The following DLG1 variants were observed in gnomAD, a reference collection of about 807,000 sequenced individuals.
DLG1 encodes the protein discs large MAGUK scaffold protein 1, also known as disks large homolog 1.
A neutral mutation model predicts 123.4 loss-of-function variants in DLG1; 42 were observed. The ratio of observed to expected loss-of-function variants is 0.34; its 90% CI spans 0.27 to 0.44. The LOEUF (loss-of-function observed/expected upper bound fraction) is 0.44, where lower values mean the gene tolerates loss of function less well. Among genes scored for constraint, DLG1 ranks in the 20% least tolerant of loss-of-function variants. DLG1 has a pLI of 1.00. For synonymous variants in DLG1, 317 were observed against 356.2 expected, an observed-to-expected ratio of 0.89 and a Z score of 1.24; for missense variants, 942 against 1,082.6, an observed-to-expected ratio of 0.87 and a Z score of 1.82.
intron 18 of DLG1, among the ~76,000 whole-genome samples, chr3:197,073,682 T>A (rs954603311): frequency 6.6e-6 from 1 of 152,332 alleles, no homozygotes; most frequent in African/African-American, 2.4e-5. Flanking sequence ...CTTCTCAGAA[T>A]AAAGAACAAA....
intron 24 of DLG1, among the ~76,000 whole-genome samples, chr3:197,050,246 A>G (rs1223765790): frequency 6.6e-6 from 1 of 152,086 alleles, no homozygotes; most frequent in Admixed American, 6.6e-5. Flanking sequence ...AGCTGCCTGT[A>G]GTCCCAGCTA....
In DLG1 at chr3:197,244,776, T is replaced by C. The variant is rs994381226; in HGVS notation, c.318+37903A>G. Among the ~76,000 whole-genome samples the C allele has an allele frequency of 3.9e-5, 6 of 152,232 alleles. No homozygotes were observed. In the East Asian group the frequency reaches 1.2e-3, roughly 29 times the overall value. ...GGTCCTTCCCAAGCTGGTTTGAGTT[T>C]TCCTTCTTTCCAGCTTCTGATGAGA... On this transcript the variant is annotated intron_variant, in intron 4 of 24. Transcript: ENST00000667157.
At chr3:197,272,231 A>C (rs531740453) in intron 4 of DLG1, among the ~76,000 whole-genome samples, 3 of 152,158 alleles carry the variant, frequency 2.0e-5, no homozygotes, top group Non-Finnish European at 4.4e-5. Flanking sequence ...TCACGCCTAT[A>C]AACTCAGCTA....
chr3:197,161,499 T>G (rs572574879), intron 5 of DLG1: 11 of 473,318 alleles, frequency 2.3e-5, no homozygotes, highest in Non-Finnish European at 3.7e-5. Flanking sequence ...CCCAAATGTT[T>G]AAGTCCCTAA....
At chr3:197,099,677 G>A (rs760690503) in intron 14 of DLG1, among the ~76,000 whole-genome samples, 6 of 152,148 alleles carry the variant, frequency 3.9e-5, no homozygotes, top group Non-Finnish European at 7.4e-5. Flanking sequence ...TGAGGAAGGG[G>A]TATGGGGGAA....
At chr3:197,251,761 T>C (rs1250120192) in intron 4 of DLG1, among the ~76,000 whole-genome samples, 2 of 152,206 alleles carry the variant, frequency 1.3e-5, no homozygotes, top group Non-Finnish European at 2.9e-5. Context: ...ATTTCCAAAC[T>C]ACCCGTCTGA....
At chr3:197,295,482 CA>C (rs67590858) in intron 3 of DLG1, among the ~76,000 whole-genome samples, 471 of 142,500 alleles carry the variant, frequency 3.3e-3, no homozygotes, top group Middle Eastern at 7.4e-3. Flanking sequence ...ATAACTAAAA[CA>C]AAAAAAAAAA....
chr3:197,271,294 ATTCT>A (rs1487285412), intron 4 of DLG1, among the ~76,000 whole-genome samples: 1 of 152,188 alleles, frequency 6.6e-6, no homozygotes, highest in Admixed American at 6.5e-5. Context: ...CAGTAGATAA[ATTCT>A]TTCTCTTTCC....
intron 1 of DLG1, 142 bp from the exon 2 acceptor site, chr3:197,297,377 C>CA: frequency 6.9e-7 from 1 of 1,453,114 alleles, no homozygotes; most frequent in South Asian, 1.5e-5. Context: ...AGTCTCAAAA[C>CA]GCAGCAGTTG....
intron 4 of DLG1, among the ~76,000 whole-genome samples, chr3:197,249,155 A>G (rs1753177506): frequency 6.6e-6 from 1 of 152,152 alleles, no homozygotes. Flanking sequence ...AACAAAATCA[A>G]CTACCTTTTA....
At chr3:197,240,941 T>C (rs1490652701) in intron 4 of DLG1, among the ~76,000 whole-genome samples, 5 of 152,040 alleles carry the variant, frequency 3.3e-5, no homozygotes, top group Non-Finnish European at 5.9e-5. Context: ...ATGTAAGAAT[T>C]ATTAGTGTTC....
At chr3:197,171,654 G>T (rs1296230688) in intron 5 of DLG1, among the ~76,000 whole-genome samples, 1 of 152,022 alleles carries the variant, frequency 6.6e-6, no homozygotes, top group African/African-American at 2.4e-5. Context: ...TTCAGTTAAG[G>T]TTTCTCATCC....
chr3:197,084,651 TAAAA>T (rs1185762993), intron 16 of DLG1, among the ~76,000 whole-genome samples: 2 of 151,974 alleles, frequency 1.3e-5, no homozygotes, highest in African/African-American at 4.8e-5. Flanking sequence ...TCCATTTGAA[TAAAA>T]TCAAATGGCT....
At position 197,043,636 on chromosome 3, in the gene DLG1, G is replaced by A. The variant is rs891340267; in HGVS notation, c.*987C>T. ...AAAGAAAATAATTCCCATAGTTACA[G>A]TTTAAAGAAAGTTTTATATATATAT... On this transcript the variant is annotated 3_prime_UTR_variant, in exon 25 of 25. Coordinates refer to ENST00000667157, the MANE Select transcript of DLG1 (RefSeq NM_001366207.1). 6 of 150,916 alleles carry A rather than the reference G, an allele frequency of 4.0e-5. No individual in the cohort carries two copies. In the East Asian group the frequency reaches 1.2e-3, roughly 29 times the overall value. 9.3% of individuals were successfully genotyped at this position (150,916 alleles called of 1,614,324 possible).
At chr3:197,086,136 T>G (rs995858953) in intron 15 of DLG1, among the ~76,000 whole-genome samples, 5 of 152,052 alleles carry the variant, frequency 3.3e-5, no homozygotes, top group African/African-American at 4.8e-5. Context: ...GGAAAACAAA[T>G]TCCCTGATAT....
chr3:197,100,846 GC>G (rs1479684613), intron 14 of DLG1, among the ~76,000 whole-genome samples: 1 of 151,998 alleles, frequency 6.6e-6, no homozygotes, highest in East Asian at 1.9e-4. Context: ...GAGTCTGATG[GC>G]CCCGAAGAAT....
chr3:197,155,833 T>C (rs190435797), intron 5 of DLG1, among the ~76,000 whole-genome samples: 4 of 152,186 alleles, frequency 2.6e-5, no homozygotes, highest in African/African-American at 9.6e-5. Flanking sequence ...CCTGTAGTCA[T>C]GGCTATTCAG....
In DLG1 at chr3:197,065,302, G is replaced by C; in HGVS notation, c.2347C>G (p.Gln783Glu). The C allele has an allele frequency of 6.2e-7, 1 of 1,608,650 alleles. No homozygotes were observed. Among genetic ancestry groups the C allele is most frequent in the Non-Finnish European group, 8.5e-7 (1 of 1,178,512 alleles). The change falls in exon 22 of 25, where the codon CAG (glutamine) becomes GAG (glutamate). Residue 783 changes from glutamine (Q) to glutamate (E), a missense_variant. Transcript: ENST00000667157. ...YNNHLYGTSVQSVREVAEKGK... is the reference protein window; with the variant it reads ...YNNHLYGTSVESVREVAEKGK... The stretch of plus-strand genomic sequence containing the variant: ...TTTTCTGCTACTTCTCGTACAGACT[G>C]AACACTTGTTCCATATAGATGATTG...
chr3:197,151,314 A>G (rs1201727112), intron 5 of DLG1, among the ~76,000 whole-genome samples: 1 of 152,218 alleles, frequency 6.6e-6, no homozygotes, highest in Non-Finnish European at 1.5e-5. Context: ...TTTTTTACCA[A>G]ACATGCAGTG....
Sources: gnomAD v4.1 joint callset for allele counts (sites outside exome capture counted in the v4.1 genomes callset) on GRCh38, gnomAD v4.1.1 for gene constraint, MANE v1.5 for transcripts, NCBI Gene and HGNC (gene_info 2026-07-23, HGNC 2026-07-21) for gene names.